RGS6: variants seen among roughly 807,000 people sequenced by gnomAD.
RGS6 encodes regulator of G-protein signaling 6.
In RGS6, 30 loss-of-function variants were observed where a neutral mutation model predicts 78.5. The observed-to-expected ratio is 0.38, with a 90% confidence interval of 0.29 to 0.52. The LOEUF is 0.52. Among genes scored for constraint, RGS6 ranks in the 20% least tolerant of loss-of-function variants. RGS6 has a pLI of 0.85. For synonymous variants in RGS6, 206 were observed against 206.0 expected, an observed-to-expected ratio of 1.00 and a Z score of 0.00; for missense variants, 495 against 609.7, an observed-to-expected ratio of 0.81 and a Z score of 1.98.
At chr14:72,173,301 G>A (rs1339477664) in intron 2 of RGS6, among the ~76,000 whole-genome samples, 2 of 152,096 alleles carry the variant, frequency 1.3e-5, no homozygotes, top group African/African-American at 4.8e-5. Context: ...AATGTCAGTA[G>A]TGCCAAAGTG....
the RGS6 span, among the ~76,000 whole-genome samples, chr14:72,601,591 G>T: frequency 7.2e-4 from 110 of 152,328 alleles, no homozygotes; most frequent in African/African-American, 2.5e-3. Context: ...AGAAGATTTT[G>T]AATGTTCTTA....
At chr14:71,976,213 CTTTTTTTTCTT>C (rs978677917) in intron 2 of RGS6, among the ~76,000 whole-genome samples, 3 of 143,650 alleles carry the variant, frequency 2.1e-5, no homozygotes, top group African/African-American at 7.7e-5. Flanking sequence ...CCTTTTCTTT[CTTTTTTTTCTT>C]TTTTTTTTGT....
intron 2 of RGS6, among the ~76,000 whole-genome samples, chr14:72,102,211 CTTAGGAAGTTGAAA>C: frequency 6.6e-6 from 1 of 152,312 alleles, no homozygotes; most frequent in South Asian, 2.1e-4. Context: ...AGAAGGTCCC[CTTAGGAAGTTGAAA>C]AAGATTCTAA....
At chr14:72,286,550 G>A (rs2062593912) in intron 2 of RGS6, among the ~76,000 whole-genome samples, 1 of 151,530 alleles carries the variant, frequency 6.6e-6, no homozygotes, top group Non-Finnish European at 1.5e-5. Context: ...TGTAAAAAAT[G>A]CCCTTGGGAT....
chr14:72,540,835 C>T (rs1429548108), intron 17 of RGS6: 11 of 985,276 alleles, frequency 1.1e-5, no homozygotes, highest in South Asian at 4.7e-5. Flanking sequence ...CCTACAGGTT[C>T]ATGGTACGCC....
intron 2 of RGS6, among the ~76,000 whole-genome samples, chr14:71,973,828 C>T (rs550070162): frequency 6.6e-6 from 1 of 152,114 alleles, no homozygotes; most frequent in South Asian, 2.1e-4. Flanking sequence ...CAGGATTAGA[C>T]TTGCTGGAAG....
At chr14:72,042,083 T>C (rs2092453455) in intron 2 of RGS6, among the ~76,000 whole-genome samples, 1 of 151,946 alleles carries the variant, frequency 6.6e-6, no homozygotes, top group Admixed American at 6.6e-5. Context: ...AGGGTATTAA[T>C]ACTAGAGAAA....
intron 2 of RGS6, among the ~76,000 whole-genome samples, chr14:72,323,409 ATTAAG>A (rs1288361105): frequency 1.3e-5 from 2 of 152,038 alleles, no homozygotes; most frequent in African/African-American, 4.8e-5. Flanking sequence ...TCTTATCTAA[ATTAAG>A]TTATACAGGT....
At chr14:72,495,410 A>T (rs1598336078) in intron 13 of RGS6, 148 bp downstream of exon 13, 2 of 637,188 alleles carry the variant, frequency 3.1e-6, no homozygotes, top group East Asian at 5.6e-5. Context: ...AGTTCTACTT[A>T]CAGTTTCTAC....
upstream of RGS6, among the ~76,000 whole-genome samples, chr14:71,929,385 C>G (rs2087768342): frequency 6.6e-6 from 1 of 152,132 alleles, no homozygotes; most frequent in South Asian, 2.1e-4. Flanking sequence ...TTGCATTTGT[C>G]TGATGTTTTA....
rs145024592 is a variant in RGS6 at position 72,440,388 on chromosome 14, G to C, written c.185-14140G>C. Among the ~76,000 whole-genome samples, 613 of 151,256 alleles carry C rather than the reference G, an allele frequency of 4.1e-3. 3 individuals are homozygous for C. Among genetic ancestry groups the C allele is most frequent in the African/African-American group, 0.014 (580 of 41,216 alleles). ...GGACTTAGAGAAGCTGAGCATATGA[G>C]TGATGTTGAAATTTGACCTACACTT... On this transcript the variant is annotated intron_variant, in intron 3 of 17. Transcript: ENST00000553525.
At chr14:72,212,468 C>T (rs1043068966) in intron 2 of RGS6, among the ~76,000 whole-genome samples, 2 of 152,098 alleles carry the variant, frequency 1.3e-5, no homozygotes, top group South Asian at 2.1e-4. Flanking sequence ...GTGTTTTTGT[C>T]CATGGGAGCT....
intron 2 of RGS6, among the ~76,000 whole-genome samples, chr14:72,016,086 G>A (rs1567024839): frequency 6.6e-6 from 1 of 151,888 alleles, no homozygotes; most frequent in Non-Finnish European, 1.5e-5. Flanking sequence ...TCTCCTTTGT[G>A]GCTTGTACTT....
At chr14:72,484,411 A>G (rs922588964) in intron 12 of RGS6, among the ~76,000 whole-genome samples, 2 of 152,058 alleles carry the variant, frequency 1.3e-5, no homozygotes, top group Non-Finnish European at 2.9e-5. Flanking sequence ...GTATCTCTTC[A>G]TCTTCTCCCC....
chr14:72,520,713 A>G (rs867560562), intron 15 of RGS6, among the ~76,000 whole-genome samples: 6 of 152,370 alleles, frequency 3.9e-5, no homozygotes, highest in Middle Eastern at 6.8e-3. Flanking sequence ...TTATCTTCCT[A>G]TGGTAAACAT....
At chr14:72,203,574 C>G (rs895855845) in intron 2 of RGS6, among the ~76,000 whole-genome samples, 1 of 152,124 alleles carries the variant, frequency 6.6e-6, no homozygotes, top group African/African-American at 2.4e-5. Flanking sequence ...TGGCTGTTGG[C>G]TGACCTCAAA....
intron 2 of RGS6, among the ~76,000 whole-genome samples, chr14:72,223,859 ACTCCAGACCTCTGGGGCTAGGG>A (rs1342167677): frequency 6.6e-6 from 1 of 152,172 alleles, no homozygotes; most frequent in African/African-American, 2.4e-5. Flanking sequence ...CTTGGGCTAC[ACTCCAGACCTCTGGGGCTAGGG>A]CCCTGGAATC....
chr14:71,906,503 C>A, the RGS6 span, among the ~76,000 whole-genome samples: 6 of 152,220 alleles, frequency 3.9e-5, no homozygotes, highest in Non-Finnish European at 8.8e-5. Context: ...GCTGGTCTCA[C>A]TCTGCCCTTC....
chr14:72,071,155 A>C (rs1243128729), intron 2 of RGS6, among the ~76,000 whole-genome samples: 1 of 152,176 alleles, frequency 6.6e-6, no homozygotes, highest in Non-Finnish European at 1.5e-5. Flanking sequence ...CATTATGTGA[A>C]TTGAATAACT....
Sources: gnomAD v4.1 joint callset for allele counts (sites outside exome capture counted in the v4.1 genomes callset) on GRCh38, gnomAD v4.1.1 for gene constraint, MANE v1.5 for transcripts, NCBI Gene and HGNC (gene_info 2026-07-23, HGNC 2026-07-21) for gene names.